The following TGFB2 variants were observed in gnomAD, a reference collection of about 807,000 sequenced individuals.
TGFB2 encodes transforming growth factor beta 2.
TGFB2 carries 13 observed loss-of-function variants against 42.7 expected under a neutral mutation model. The ratio of observed to expected loss-of-function variants is 0.30; its 90% CI spans 0.20 to 0.48. The LOEUF (loss-of-function observed/expected upper bound fraction) is 0.48, where lower values mean the gene tolerates loss of function less well. Among genes scored for constraint, TGFB2 ranks in the 20% least tolerant of loss-of-function variants. TGFB2 has a pLI of 0.99. For synonymous variants in TGFB2, 193 were observed against 193.6 expected, an observed-to-expected ratio of 1.00 and a Z score of 0.03; for missense variants, 390 against 517.5, an observed-to-expected ratio of 0.75 and a Z score of 2.39.
chr1:218,433,654 G>A (rs1571900577), intron 2 of TGFB2, among the ~76,000 whole-genome samples: 1 of 152,156 alleles, frequency 6.6e-6, no homozygotes, highest in African/African-American at 2.4e-5. Context: ...CTTTGAGAGT[G>A]AGCCTGGGTC....
intron 1 of TGFB2, among the ~76,000 whole-genome samples, chr1:218,379,808 T>C (rs955295499): frequency 9.2e-5 from 14 of 152,216 alleles, no homozygotes; most frequent in African/African-American, 3.1e-4. Flanking sequence ...TTTTAGTTAA[T>C]GGAGGAAGCT....
intron 2 of TGFB2, 140 bp downstream of exon 2, chr1:218,405,472 C>G: frequency 6.9e-7 from 1 of 1,453,020 alleles, no homozygotes. Flanking sequence ...TCAAACGATC[C>G]GCTTGCCTCA....
chr1:218,424,185 C>T (rs1183521152), intron 2 of TGFB2, among the ~76,000 whole-genome samples: 1 of 152,194 alleles, frequency 6.6e-6, no homozygotes, highest in Non-Finnish European at 1.5e-5. Context: ...ACTAAGAAGC[C>T]AGCAACAGGT....
intron 1 of TGFB2, among the ~76,000 whole-genome samples, chr1:218,402,143 G>A (rs977706244): frequency 1.3e-5 from 2 of 152,174 alleles, no homozygotes; most frequent in African/African-American, 4.8e-5. Flanking sequence ...GGCTCCTCCC[G>A]GCCTGGTCGC....
At chr1:218,419,615 G>A (rs1317707730) in intron 2 of TGFB2, among the ~76,000 whole-genome samples, 1 of 152,248 alleles carries the variant, frequency 6.6e-6, no homozygotes, top group Non-Finnish European at 1.5e-5. Flanking sequence ...GTCAAAATAA[G>A]ATTCAACTAT....
intron 2 of TGFB2, among the ~76,000 whole-genome samples, chr1:218,421,398 A>G (rs1187433243): frequency 6.7e-6 from 1 of 148,802 alleles, no homozygotes; most frequent in African/African-American, 2.5e-5. Context: ...TATCACTATA[A>G]AAGACCGATT....
intron 2 of TGFB2, 148 bp from the exon 3 acceptor site, chr1:218,433,934 G>A (rs887857068): frequency 9.6e-7 from 1 of 1,041,776 alleles, no homozygotes; most frequent in Non-Finnish European, 1.4e-6. Flanking sequence ...TTTTATGCAT[G>A]TGACCATGCA....
chr1:218,379,061 C>G (rs1435037021), intron 1 of TGFB2, among the ~76,000 whole-genome samples: 5 of 151,994 alleles, frequency 3.3e-5, no homozygotes, highest in Non-Finnish European at 5.9e-5. Context: ...CAAGGGAAAT[C>G]TGGTCTCATT....
chr1:218,353,501 T>G lies in TGFB2; in HGVS notation c.346+6454T>G, dbSNP rs115593700. 8.3e-3 allele frequency among the ~76,000 whole-genome samples: 1,269 copies of G among 152,360 alleles called. 9 individuals are homozygous for G. Among genetic ancestry groups the G allele is most frequent in the Non-Finnish European group, 0.014 (936 of 68,030 alleles). On this transcript the variant is annotated intron_variant, in intron 1 of 6. Transcript: ENST00000366930. ...GCATGAAAACTATACTCCAGTCACA[T>G]TGTCCTCTTTGCCTTTACCCAAATG...
At chr1:218,358,721 T>C (rs1657117758) in intron 1 of TGFB2, among the ~76,000 whole-genome samples, 1 of 151,926 alleles carries the variant, frequency 6.6e-6, no homozygotes, top group South Asian at 2.1e-4. Flanking sequence ...GCTAATTTTT[T>C]TTAGTAGAGA....
intron 1 of TGFB2, among the ~76,000 whole-genome samples, chr1:218,400,358 C>G (rs74143057): frequency 0.015 from 2,303 of 152,264 alleles, 44 homozygotes; most frequent in African/African-American, 0.051. Flanking sequence ...ATTGTGCTCA[C>G]TTGGGCATGG....
At chr1:218,429,139 C>T (rs1181680694) in intron 2 of TGFB2, among the ~76,000 whole-genome samples, 6 of 152,036 alleles carry the variant, frequency 3.9e-5, no homozygotes, top group Non-Finnish European at 4.4e-5. Context: ...TGCCACAACA[C>T]CCAGCTAATT....
chr1:218,414,515 G>A (rs575674929), intron 2 of TGFB2, among the ~76,000 whole-genome samples: 29 of 152,222 alleles, frequency 1.9e-4, no homozygotes, highest in Admixed American at 6.5e-4. Flanking sequence ...AAAACACCAT[G>A]AGGTATAATA....
intron 6 of TGFB2, among the ~76,000 whole-genome samples, chr1:218,439,024 C>T (rs1660064182): frequency 6.6e-6 from 1 of 150,644 alleles, no homozygotes; most frequent in African/African-American, 2.4e-5. Context: ...CAGAGAATCG[C>T]TTGAACCCAG....
intron 1 of TGFB2, among the ~76,000 whole-genome samples, chr1:218,387,250 G>A (rs1446215008): frequency 2.6e-5 from 4 of 152,088 alleles, no homozygotes; most frequent in Admixed American, 1.3e-4. Context: ...TGGGAGGGGA[G>A]TGGAGGGGAG....
intron 1 of TGFB2, among the ~76,000 whole-genome samples, chr1:218,366,198 G>A (rs1032302064): frequency 6.6e-6 from 1 of 152,160 alleles, no homozygotes; most frequent in African/African-American, 2.4e-5. Context: ...CTCTATGAAG[G>A]AATGGATTAA....
intron 2 of TGFB2, among the ~76,000 whole-genome samples, chr1:218,419,746 A>C (rs1047705569): frequency 2.6e-5 from 4 of 152,242 alleles, no homozygotes; most frequent in Non-Finnish European, 5.9e-5. Context: ...AATATTGATG[A>C]AGAAAGAAAT....
intron 1 of TGFB2, among the ~76,000 whole-genome samples, chr1:218,397,486 C>G (rs912691006): frequency 6.6e-6 from 1 of 151,296 alleles, no homozygotes; most frequent in Admixed American, 6.6e-5. Context: ...ATGGCGTGAA[C>G]CCGGGAGGCT....
Position 218,405,348 on chromosome 1 carries a change from T to G in TGFB2, c.510+16T>G. The G allele has an allele frequency of 1.9e-6, 3 of 1,603,492 alleles. No homozygotes were observed. The highest frequency in any genetic ancestry group is 2.6e-6 in the Non-Finnish European group (3 of 1,173,904). ...GCTATATCAGGTAATGTTCATTTGTTGTTGTTGTTGTTGTTGTTGTTGTTG... is the reference window on the plus strand; with the variant it reads ...GCTATATCAGGTAATGTTCATTTGTGGTTGTTGTTGTTGTTGTTGTTGTTG... On this transcript the variant is annotated intron_variant, in intron 2 of 6. Transcript: ENST00000366930.
Sources: gnomAD v4.1 joint callset for allele counts (sites outside exome capture counted in the v4.1 genomes callset) on GRCh38, gnomAD v4.1.1 for gene constraint, MANE v1.5 for transcripts, NCBI Gene and HGNC (gene_info 2026-07-23, HGNC 2026-07-21) for gene names.